Variants in PLCE1 observed in about 807,000 individuals in gnomAD.
The protein encoded by PLCE1 is 1-phosphatidylinositol 4,5-bisphosphate phosphodiesterase epsilon-1.
A neutral mutation model predicts 242.8 loss-of-function variants in PLCE1; 119 were observed. The ratio of observed to expected loss-of-function variants is 0.49; its 90% CI spans 0.42 to 0.57. The LOEUF (loss-of-function observed/expected upper bound fraction) is 0.57. PLCE1 is among the 20% of genes least tolerant of loss of function. PLCE1 has a pLI of 0.00. For synonymous variants in PLCE1, 945 were observed against 1,017.4 expected, an observed-to-expected ratio of 0.93 and a Z score of 1.35; for missense variants, 2,441 against 2,788.8, an observed-to-expected ratio of 0.88 and a Z score of 2.81.
At chr10:94,093,378 T>G (rs1053869410) in intron 2 of PLCE1, among the ~76,000 whole-genome samples, 8 of 152,232 alleles carry the variant, frequency 5.3e-5, no homozygotes, top group Admixed American at 5.2e-4. Flanking sequence ...TACCAGCCCC[T>G]TACAATCATG....
intron 1 of PLCE1, among the ~76,000 whole-genome samples, chr10:93,997,861 G>A (rs1439549972): frequency 1.3e-5 from 2 of 152,274 alleles, no homozygotes; most frequent in East Asian, 3.9e-4. Context: ...GTAAGAACTG[G>A]TAGGAAAAGA....
chr10:94,025,554 G>T (rs1048744071), intron 1 of PLCE1, among the ~76,000 whole-genome samples: 14 of 151,980 alleles, frequency 9.2e-5, no homozygotes, highest in Admixed American at 6.6e-4. Context: ...CTGTTTATTT[G>T]TTCAGCATAT....
At chr10:93,998,754 G>A (rs1341270634) in intron 1 of PLCE1, among the ~76,000 whole-genome samples, 1 of 152,180 alleles carries the variant, frequency 6.6e-6, no homozygotes, top group African/African-American at 2.4e-5. Context: ...GCTAGATCAT[G>A]ATCTACCAAA....
intron 4 of PLCE1, among the ~76,000 whole-genome samples, chr10:94,173,187 A>G (rs1031710346): frequency 6.6e-6 from 1 of 152,134 alleles, no homozygotes; most frequent in African/African-American, 2.4e-5. Flanking sequence ...TAAGCCCACA[A>G]AGTCAGGCCC....
chr10:94,034,260 G>A (rs534710969), intron 2 of PLCE1, among the ~76,000 whole-genome samples: 1 of 152,282 alleles, frequency 6.6e-6, no homozygotes, highest in East Asian at 1.9e-4. Flanking sequence ...TGAGATTTGG[G>A]TAGGGACACA....
At chr10:94,098,505 G>A (rs972495437) in intron 2 of PLCE1, among the ~76,000 whole-genome samples, 5 of 152,042 alleles carry the variant, frequency 3.3e-5, no homozygotes, top group Non-Finnish European at 2.9e-5. Flanking sequence ...AAATATTTCC[G>A]AATTATGATT....
intron 2 of PLCE1, among the ~76,000 whole-genome samples, chr10:94,069,151 C>T (rs1041656710): frequency 1.3e-5 from 2 of 152,228 alleles, no homozygotes; most frequent in African/African-American, 4.8e-5. Flanking sequence ...CCAGGTCTTC[C>T]TCACTACAAT....
chr10:94,245,971 T>G lies in PLCE1; in HGVS notation c.2446T>G (p.Ser816Ala). ...WQFIIGDLLD[S>A]DNDIFEQSKE... Reference sequence around the variant, plus strand: ...GTTTATAATTGGAGATTTGTTGGATTCAGACAATGACATCTTTGAGCAATC... The same window carrying G: ...GTTTATAATTGGAGATTTGTTGGATGCAGACAATGACATCTTTGAGCAATC... The change falls in exon 8 of 33, where the codon TCA (serine) becomes GCA (alanine). Residue 816 changes from serine (S) to alanine (A), a missense_variant. Around this residue, in one of 5 missense-constraint regions of PLCE1, gnomAD observed 733 missense variants for 754.2 expected, o/e 0.97. Coordinates refer to ENST00000371380, the MANE Select transcript of PLCE1 (RefSeq NM_016341.4). The G allele has an allele frequency of 6.2e-7, 1 of 1,614,122 alleles. No individual in the cohort carries two copies. The highest frequency in any genetic ancestry group is 8.5e-7 in the Non-Finnish European group (1 of 1,179,984).
intron 1 of PLCE1, among the ~76,000 whole-genome samples, chr10:94,002,370 C>T (rs954999034): frequency 2.0e-4 from 31 of 152,066 alleles, no homozygotes; most frequent in Admixed American, 2.0e-4. Context: ...AGGTGGAGGG[C>T]GTTCCTGTTG....
At chr10:94,224,053 A>G (rs2049854545) in intron 4 of PLCE1, among the ~76,000 whole-genome samples, 2 of 152,052 alleles carry the variant, frequency 1.3e-5, no homozygotes, top group African/African-American at 4.8e-5. Context: ...ACATCAGACC[A>G]TAATAAGAAT....
chr10:94,089,208 G>A (rs1564676456), intron 2 of PLCE1: 1 of 1,614,066 alleles, frequency 6.2e-7, no homozygotes, highest in Non-Finnish European at 8.5e-7. Flanking sequence ...CTTGGTTTCT[G>A]TGCAGCCTCT....
intron 2 of PLCE1, among the ~76,000 whole-genome samples, chr10:94,032,580 AT>A (rs2061581002): frequency 6.6e-6 from 1 of 152,020 alleles, no homozygotes; most frequent in Non-Finnish European, 1.5e-5. Context: ...GTCCTGTTCT[AT>A]GGTGTAGTTC....
intron 2 of PLCE1, among the ~76,000 whole-genome samples, chr10:94,122,027 G>T (rs1025386522): frequency 1.3e-5 from 2 of 152,144 alleles, no homozygotes; most frequent in African/African-American, 2.4e-5. Flanking sequence ...AAAAAGCCTG[G>T]TCTTATAGGT....
chr10:94,327,535 G>C (rs931520254), intron 32 of PLCE1, among the ~76,000 whole-genome samples: 1 of 152,158 alleles, frequency 6.6e-6, no homozygotes, highest in East Asian at 1.9e-4. Flanking sequence ...GAGGGAGAGA[G>C]AGCAAAAAGA....
intron 4 of PLCE1, among the ~76,000 whole-genome samples, chr10:94,178,713 A>G (rs574372919): frequency 6.6e-6 from 1 of 152,360 alleles, no homozygotes; most frequent in Non-Finnish European, 1.5e-5. Context: ...GCTTTGGCAG[A>G]TTCCAGCATC....
At chr10:94,211,320 T>G (rs2136941630) in intron 4 of PLCE1, among the ~76,000 whole-genome samples, 1 of 152,300 alleles carries the variant, frequency 6.6e-6, no homozygotes, top group Non-Finnish European at 1.5e-5. Context: ...TATCAGACTG[T>G]CTTCACAGAG....
rs374509296 is a variant in PLCE1, at chr10:94,322,094, C to T, written c.6501+35C>T. ...TCTCCCTTCCTCACCTGAGTCCTTTCCTCAGCATAAATTATTGGAACAAAT... is the reference window on the plus strand; with the variant it reads ...TCTCCCTTCCTCACCTGAGTCCTTTTCTCAGCATAAATTATTGGAACAAAT... On this transcript the variant is annotated intron_variant, in intron 30 of 32. Coordinates refer to ENST00000371380, the MANE Select transcript of PLCE1 (RefSeq NM_016341.4). 3 of 1,597,938 alleles carry T rather than the reference C, an allele frequency of 1.9e-6. No homozygotes were observed. The African/African-American group carries it at 4.0e-5, about 21-fold the overall frequency.
At position 94,132,423 on chromosome 10, in the gene PLCE1, A is replaced by G; in HGVS notation, c.1456A>G (p.Thr486Ala). 2 of 1,614,150 alleles carry G rather than the reference A, an allele frequency of 1.2e-6. No homozygotes were observed. Among genetic ancestry groups the G allele is most frequent in the East Asian group, 2.2e-5 (1 of 44,878 alleles). ...GGGAGCAAGAAGTGGCCTTCTCAGT[A>G]CTTTTGGAGGATCCACTGGACGAAT... is the stretch of plus-strand genomic sequence containing the variant. ...SLGARSGLLS[T>A]FGGSTGRMML... Residue 486 changes from threonine (T) to alanine (A), a missense_variant, in exon 3 of 33, where the codon ACT becomes GCT. Thr to Ala is a moderately conservative substitution (Grantham distance 58). Around this residue, in one of 5 missense-constraint regions of PLCE1, gnomAD observed 733 missense variants for 754.2 expected, o/e 0.97. Transcript: ENST00000371380.
At chr10:94,175,414 T>A (rs535536592) in intron 4 of PLCE1, among the ~76,000 whole-genome samples, 3 of 152,250 alleles carry the variant, frequency 2.0e-5, no homozygotes, top group Non-Finnish European at 4.4e-5. Flanking sequence ...ATTTATTTAT[T>A]TCAATTTTTT....
Sources: gnomAD v4.1 joint callset for allele counts (sites outside exome capture counted in the v4.1 genomes callset) on GRCh38, gnomAD v4.1.1 for gene constraint, gnomAD v4.1.1 regional missense constraint, MANE v1.5 for transcripts, NCBI Gene and HGNC (gene_info 2026-07-23, HGNC 2026-07-21) for gene names.